Variants in LRRC3B observed in about 807,000 individuals in gnomAD.
LRRC3B encodes leucine-rich repeat-containing protein 3B.
LRRC3B carries 2 observed loss-of-function variants against 12.8 expected under a neutral mutation model. That is an observed-to-expected ratio of 0.16 (90% CI 0.06 to 0.49). The LOEUF is 0.49. Among genes scored for constraint, LRRC3B ranks in the 20% least tolerant of loss-of-function variants. The pLI, the probability that LRRC3B is intolerant of heterozygous loss-of-function variation, is 0.96. For missense variants in LRRC3B, 189 were observed against 319.4 expected, an observed-to-expected ratio of 0.59 and a Z score of 3.11; for synonymous variants, 132 against 122.0, an observed-to-expected ratio of 1.08 and a Z score of -0.54.
chr3:26,643,255 AGT>A lies in LRRC3B; in HGVS notation c.-161+20039_-161+20040del, dbSNP rs76915536. Among the ~76,000 whole-genome samples, 297 of 136,858 alleles carry A rather than the reference AGT, an allele frequency of 2.2e-3. 1 individual carries two copies. Among genetic ancestry groups the A allele is most frequent in the East Asian group, 6.8e-3 (32 of 4,724 alleles). 89.8% of individuals were successfully genotyped at this position (136,858 alleles called of 152,430 possible). A position where few individuals can be genotyped will look rare whatever the true frequency, so the allele number is the denominator to read the frequency against. On this transcript the variant is annotated intron_variant, in intron 1 of 1. Transcript: ENST00000396641. ...GGTTTTGTATACACACATATGTGTG[AGT>A]GTGTGTGTGTGTGTGTGTGTATACA...
intron 1 of LRRC3B, among the ~76,000 whole-genome samples, chr3:26,659,342 C>T (rs1219798690): frequency 6.6e-6 from 1 of 152,196 alleles, no homozygotes; most frequent in Non-Finnish European, 1.5e-5. Flanking sequence ...GATTTAAATT[C>T]AGATTCTTCC....
intron 1 of LRRC3B, among the ~76,000 whole-genome samples, chr3:26,637,686 C>A (rs1401109696): frequency 6.6e-6 from 1 of 152,126 alleles, no homozygotes; most frequent in African/African-American, 2.4e-5. Context: ...GATCCCTGGG[C>A]AGTCTGGTGA....
At chr3:26,672,332 C>CTTA (rs910085793) in intron 1 of LRRC3B, among the ~76,000 whole-genome samples, 6 of 152,092 alleles carry the variant, frequency 3.9e-5, no homozygotes, top group Non-Finnish European at 8.8e-5. Context: ...AGCCTGATTT[C>CTTA]TTATTTTTAT....
intron 1 of LRRC3B, among the ~76,000 whole-genome samples, chr3:26,655,397 T>C (rs890916149): frequency 2.0e-5 from 3 of 152,194 alleles, no homozygotes; most frequent in Non-Finnish European, 4.4e-5. Context: ...ATAATGTCTA[T>C]ATCTTGAGTT....
At position 26,636,382 on chromosome 3, in the gene LRRC3B, CTTAGACACTATGAGGAGTATACTCCATGG is replaced by C. The variant is rs1698871500; in HGVS notation, c.-161+13146_-161+13174del. 5.3e-5 allele frequency among the ~76,000 whole-genome samples: 8 copies of C among 152,228 alleles called. No homozygotes were observed. In the South Asian group the frequency reaches 1.7e-3, roughly 32 times the overall value. On this transcript the variant is annotated intron_variant, in intron 1 of 1. Coordinates refer to ENST00000396641, the Ensembl canonical transcript of LRRC3B. ...GCTTTCTTGTTGCTCTTAGAAATTC[CTTAGACACTATGAGGAGTATACTCCATGG>C]CTTTTGCCATTTGAGAATGGAGAAG...
chr3:26,707,727 G>A (rs111841945), intron 1 of LRRC3B, among the ~76,000 whole-genome samples: 15 of 151,530 alleles, frequency 9.9e-5, no homozygotes, highest in East Asian at 9.7e-4. Flanking sequence ...CCTAGAATTC[G>A]TTGCCTTGTC....
intron 1 of LRRC3B, among the ~76,000 whole-genome samples, chr3:26,648,685 C>A (rs1441603251): frequency 6.6e-6 from 1 of 152,184 alleles, no homozygotes; most frequent in African/African-American, 2.4e-5. Flanking sequence ...ACCCCTCACA[C>A]AAATGCGCAT....
intron 1 of LRRC3B, among the ~76,000 whole-genome samples, chr3:26,637,389 C>T (rs77050229): frequency 4.6e-5 from 7 of 152,092 alleles, no homozygotes; most frequent in Non-Finnish European, 7.4e-5. Context: ...TCAAATTCAC[C>T]GTCAACTTCT....
intron 1 of LRRC3B, among the ~76,000 whole-genome samples, chr3:26,701,497 T>C (rs1030662177): frequency 6.6e-6 from 1 of 152,138 alleles, no homozygotes; most frequent in Non-Finnish European, 1.5e-5. Context: ...CTCTGTTCTA[T>C]GAAGGAATTC....
At chr3:26,698,454 C>T (rs574891503) in intron 1 of LRRC3B, among the ~76,000 whole-genome samples, 5 of 152,040 alleles carry the variant, frequency 3.3e-5, no homozygotes, top group Admixed American at 6.6e-5. Context: ...CTCATTTCAC[C>T]TTGGGTTTCC....
At chr3:26,630,196 A>G (rs902430546) in intron 1 of LRRC3B, among the ~76,000 whole-genome samples, 11 of 152,178 alleles carry the variant, frequency 7.2e-5, no homozygotes, top group Non-Finnish European at 1.5e-4. Flanking sequence ...AGCATAGATC[A>G]GTTCAAAGGC....
intron 1 of LRRC3B, among the ~76,000 whole-genome samples, chr3:26,692,895 C>G (rs1199453838): frequency 1.3e-5 from 2 of 152,166 alleles, no homozygotes; most frequent in African/African-American, 4.8e-5. Context: ...AATGATCAGG[C>G]TGGTTTTCCC....
chr3:26,706,547 G>T (rs1700592847), intron 1 of LRRC3B, among the ~76,000 whole-genome samples: 1 of 152,048 alleles, frequency 6.6e-6, no homozygotes, highest in Admixed American at 6.5e-5. Flanking sequence ...ATTACATCCA[G>T]TTCACAAGCA....
At chr3:26,667,122 A>AAAG (rs1172423082) in intron 1 of LRRC3B, among the ~76,000 whole-genome samples, 1 of 150,802 alleles carries the variant, frequency 6.6e-6, no homozygotes, top group East Asian at 1.9e-4. Context: ...CTTTCAAGAA[A>AAAG]AAAAAAAAAA....
At chr3:26,671,346 G>GTA (rs1186942021) in intron 1 of LRRC3B, among the ~76,000 whole-genome samples, 684 of 56,190 alleles carry the variant, frequency 0.012, 50 homozygotes, top group Admixed American at 0.025. Flanking sequence ...GTGTATATAT[G>GTA]TGTGTATATA....
At chr3:26,672,222 A>T (rs2043875658) in intron 1 of LRRC3B, among the ~76,000 whole-genome samples, 1 of 152,216 alleles carries the variant, frequency 6.6e-6, no homozygotes, top group South Asian at 2.1e-4. Flanking sequence ...AAAGTGCCAC[A>T]GCCTCTAGTT....
chr3:26,639,361 A>G (rs1698970919), intron 1 of LRRC3B, among the ~76,000 whole-genome samples: 3 of 152,268 alleles, frequency 2.0e-5, no homozygotes, highest in Admixed American at 6.5e-5. Flanking sequence ...CTAAATTTTC[A>G]TTAGAAATAC....
chr3:26,640,453 A>G (rs1208225769), intron 1 of LRRC3B, among the ~76,000 whole-genome samples: 2 of 130,846 alleles, frequency 1.5e-5, no homozygotes, highest in African/African-American at 3.3e-5. Flanking sequence ...CCCAAAAAAC[A>G]AAAACAAACA....
chr3:26,686,157 G>A (rs1440389194), intron 1 of LRRC3B, among the ~76,000 whole-genome samples: 1 of 151,790 alleles, frequency 6.6e-6, no homozygotes, highest in Non-Finnish European at 1.5e-5. Context: ...GTGGCTCACT[G>A]CAAGCTCCGC....
Sources: gnomAD v4.1 joint callset for allele counts (sites outside exome capture counted in the v4.1 genomes callset) on GRCh38, gnomAD v4.1.1 for gene constraint, MANE v1.5 for transcripts, NCBI Gene and HGNC (gene_info 2026-07-23, HGNC 2026-07-21) for gene names.